The following DTX1 variants were observed in gnomAD, a reference collection of about 807,000 sequenced individuals.
DTX1 encodes E3 ubiquitin-protein ligase DTX1.
In DTX1, 26 loss-of-function variants were observed where a neutral mutation model predicts 57.8. The observed-to-expected ratio is 0.45, with a 90% CI of 0.33 to 0.62. The LOEUF (loss-of-function observed/expected upper bound fraction) is 0.62, where lower values mean the gene tolerates loss of function less well. Ranked by LOEUF, DTX1 falls within the 20% of genes least tolerant of loss-of-function variation. DTX1 has a pLI of 0.02. For missense variants in DTX1, 704 were observed against 895.3 expected, an observed-to-expected ratio of 0.79 and a Z score of 2.73; for synonymous variants, 398 against 394.1, an observed-to-expected ratio of 1.01 and a Z score of -0.12.
chr12:113,069,323 C>A (rs1184233260), intron 2 of DTX1, among the ~76,000 whole-genome samples: 1 of 152,086 alleles, frequency 6.6e-6, no homozygotes, highest in Non-Finnish European at 1.5e-5. Flanking sequence ...GAAAGCCCCC[C>A]ATACAGCCCA....
At position 113,077,818 on chromosome 12, in the gene DTX1, C is replaced by G; in HGVS notation, c.654C>G (p.Ile218Met). 1 of 1,443,458 alleles carries G rather than the reference C, an allele frequency of 6.9e-7. No individual in the cohort carries two copies. Among genetic ancestry groups the G allele is most frequent in the Non-Finnish European group, 9.0e-7 (1 of 1,107,996 alleles). 89.4% of individuals were successfully genotyped at this position (1,443,458 alleles called of 1,614,324 possible). ...GCACGCGCGCCGCCTCCAACGCCAT[C>G]CTGGCCTCGCAGCGCCGCAAGGCGC... ...VNSTRAASNA[I>M]LASQRRKAPP... Residue 218 changes from isoleucine to methionine, a missense_variant, in exon 3 of 10, where the codon ATC becomes ATG. Around this residue, in one of 3 missense-constraint regions of DTX1, gnomAD observed 237 missense variants for 328.6 expected, o/e 0.72. Transcript: ENST00000548759. The surrounding 1 kb of genome is among the most constrained non-coding windows in gnomAD (Gnocchi z 7.8).
At chr12:113,064,487 T>C (rs1460173106) in intron 2 of DTX1, among the ~76,000 whole-genome samples, 1 of 152,188 alleles carries the variant, frequency 6.6e-6, no homozygotes, top group African/African-American at 2.4e-5. Context: ...GTCTAATCTA[T>C]CCATTTCAGA....
intron 3 of DTX1, among the ~76,000 whole-genome samples, chr12:113,088,155 A>G (rs1385612576): frequency 1.3e-5 from 2 of 152,128 alleles, no homozygotes; most frequent in Non-Finnish European, 2.9e-5. Context: ...TGCACCACCA[A>G]CCAGCTGGGT....
intron 2 of DTX1, 138 bp downstream of exon 2, chr12:113,058,589 G>A (rs2044646944): frequency 7.0e-7 from 1 of 1,424,300 alleles, no homozygotes; most frequent in Non-Finnish European, 9.3e-7. Context: ...GAAAAACAGG[G>A]CAGTCTAACC....
At chr12:113,067,387 C>G (rs2136425996) in intron 2 of DTX1, among the ~76,000 whole-genome samples, 1 of 152,296 alleles carries the variant, frequency 6.6e-6, no homozygotes, top group Non-Finnish European at 1.5e-5. Flanking sequence ...GTGGAAATGA[C>G]AGTCAGGGAG....
rs375008930 is a variant in DTX1, at chr12:113,069,833, T to C, written c.260-7591T>C. The stretch of plus-strand genomic sequence containing the variant: ...GCACTGCGGAGCATTCGGTAAGGTG[T>C]TGGGTGCCGCTGTTGTCCTTGTTGT... On this transcript the variant is annotated intron_variant, in intron 2 of 9. Transcript: ENST00000548759. Among the ~76,000 whole-genome samples, 13 of 152,268 alleles carry C rather than the reference T, an allele frequency of 8.5e-5. No individual in the cohort carries two copies. The East Asian group carries it at 2.3e-3, about 27-fold the overall frequency.
Position 113,058,321 on chromosome 12 carries a change from C to G in DTX1, c.129C>G (p.Thr43=). 1.9e-6 allele frequency: 3 copies of G among 1,613,508 alleles called. No homozygotes were observed. The East Asian group carries it at 6.7e-5, about 36-fold the overall frequency. ...EHSRWRPYTA[T]VCHHIENVLK... is the part of the protein sequence containing the mutation. ...GCCGCTGGCGGCCCTACACGGCCAC[C>G]GTGTGCCACCACATTGAGAACGTGC... Residue 43 remains threonine (T), a synonymous_variant, in exon 2 of 10, where the codon ACC becomes ACG. Coordinates refer to ENST00000548759, the MANE Select transcript of DTX1 (RefSeq NM_004416.3).
chr12:113,059,853 C>A (rs1179680939), intron 2 of DTX1, among the ~76,000 whole-genome samples: 1 of 152,192 alleles, frequency 6.6e-6, no homozygotes, highest in African/African-American at 2.4e-5. Context: ...ATGTAAAATC[C>A]AGTTCTTCAG....
Position 113,093,840 on chromosome 12 carries a change from C to A in DTX1, c.1165+140C>A. The stretch of plus-strand genomic sequence containing the variant: ...CTGATCTCAGCTCCCCTTGCCCTGG[C>A]CCCATCTTTCACCAGCTCCTGTTAC... On this transcript the variant is annotated intron_variant, in intron 5 of 9. Coordinates refer to ENST00000548759, the MANE Select transcript of DTX1 (RefSeq NM_004416.3). This position sits in a 1 kb window ranked among gnomAD's most constrained non-coding sequence, Gnocchi z 4.2. 7.0e-7 allele frequency: 1 copy of A among 1,434,384 alleles called. No homozygotes were observed. The highest frequency in any genetic ancestry group is 9.5e-7 in the Non-Finnish European group (1 of 1,052,774). 88.9% of individuals were successfully genotyped at this position (1,434,384 alleles called of 1,614,324 possible).
intron 2 of DTX1, among the ~76,000 whole-genome samples, chr12:113,070,334 G>A (rs1241980489): frequency 1.3e-5 from 2 of 152,236 alleles, no homozygotes; most frequent in Non-Finnish European, 2.9e-5. Context: ...GCCTCAGCCT[G>A]TGGTGGGACT....
intron 3 of DTX1, among the ~76,000 whole-genome samples, chr12:113,083,943 C>T (rs868699120): frequency 6.6e-5 from 10 of 152,248 alleles, no homozygotes; most frequent in Non-Finnish European, 1.3e-4. Context: ...AAACCACCAC[C>T]TCTCACATGG....
rs757587824 is a variant in DTX1, at chr12:113,096,771, G to T, written c.1695G>T (p.Thr565=). The T allele has an allele frequency of 1.2e-5, 20 of 1,613,670 alleles. No individual in the cohort carries two copies. In the Admixed American group the frequency reaches 2.3e-4, roughly 19 times the overall value. The change falls in exon 10 of 10, where the codon ACG becomes ACT. Residue 565 remains threonine (T), a synonymous_variant. Transcript: ENST00000548759. The part of the protein sequence containing the change: ...WERRLIFTIG[T]SNTTGESDTV... ...GAAGACTCATCTTCACTATCGGCAC[G>T]TCCAACACCACGGGCGAGTCGGACA...
chr12:113,057,397 G>A (rs1041520963), intron 1 of DTX1, 52 bp from the exon 2 acceptor site: 1 of 152,470 alleles, frequency 6.6e-6, no homozygotes, highest in East Asian at 1.9e-4. Flanking sequence ...AGGGGGGAGG[G>A]GGTGCTGCGC....
chr12:113,073,277 G>A (rs984028090), intron 2 of DTX1, among the ~76,000 whole-genome samples: 3 of 152,132 alleles, frequency 2.0e-5, no homozygotes, highest in African/African-American at 7.2e-5. Context: ...CCTGAGAGGG[G>A]AAGACCAGCA....
Position 113,093,408 on chromosome 12 carries a change from G to A in DTX1, c.1004-131G>A. On this transcript the variant is annotated intron_variant, in intron 4 of 9. Transcript: ENST00000548759. This position sits in a 1 kb window ranked among gnomAD's most constrained non-coding sequence, Gnocchi z 4.2. ...GAAAGGCCCTTCAGGGGCCTTCAAG[G>A]GGCTGAGTGGGTGGGGCCCAAGAGC... 7.3e-7 allele frequency: 1 copy of A among 1,366,028 alleles called. No homozygotes were observed. Among genetic ancestry groups the A allele is most frequent in the Admixed American group, 2.9e-5 (1 of 35,006 alleles). The allele number at this position is 1,366,028 out of a possible 1,614,324, so 84.6% of individuals were successfully genotyped here. A position where few individuals can be genotyped will look rare whatever the true frequency, so the allele number is the denominator to read the frequency against.
chr12:113,079,279 C>T (rs1199807133), intron 3 of DTX1, among the ~76,000 whole-genome samples: 1 of 152,190 alleles, frequency 6.6e-6, no homozygotes, highest in Non-Finnish European at 1.5e-5. Flanking sequence ...CCAAAACCAA[C>T]TGTGCTTCAA....
In DTX1 at chr12:113,089,536, G is replaced by A. The variant is rs185448999; in HGVS notation, c.942-3626G>A. Among the ~76,000 whole-genome samples the A allele has an allele frequency of 6.6e-5, 10 of 152,002 alleles. No homozygotes were observed. The East Asian group carries it at 1.4e-3, about 21-fold the overall frequency. On this transcript the variant is annotated intron_variant, in intron 3 of 9. Coordinates refer to ENST00000548759, the MANE Select transcript of DTX1 (RefSeq NM_004416.3). ...TCCGGGAGGCCCGCAGGCAGCGGTC[G>A]CTTGTCCAGGCAGGAGGATGTTCTC...
intron 2 of DTX1, among the ~76,000 whole-genome samples, chr12:113,065,174 A>G (rs904419501): frequency 2.0e-5 from 3 of 152,110 alleles, no homozygotes; most frequent in African/African-American, 7.2e-5. Flanking sequence ...CTCATTAATC[A>G]CGGGCCCTTG....
Position 113,095,342 on chromosome 12 carries a change from C to T in DTX1, c.1566C>T (p.Asn522=), listed in dbSNP as rs766300565. The change falls in exon 9 of 10, where the codon AAC becomes AAT. Residue 522 remains asparagine, a synonymous_variant. Coordinates refer to ENST00000548759, the MANE Select transcript of DTX1 (RefSeq NM_004416.3). ...PTGIQGPEHP[N]PGKKFTARGF... ...CTCTGCAGGGCCCTGAGCACCCCAA[C>T]CCCGGGAAGAAGTTCACCGCAAGAG... 105 of 1,614,084 alleles carry T rather than the reference C, an allele frequency of 6.5e-5. No individual in the cohort carries two copies. Among genetic ancestry groups the T allele is most frequent in the Non-Finnish European group, 8.7e-5 (103 of 1,180,044 alleles).
Sources: gnomAD v4.1 joint callset for allele counts (sites outside exome capture counted in the v4.1 genomes callset) on GRCh38, gnomAD v4.1.1 for gene constraint, gnomAD v4.1.1 regional missense constraint, Gnocchi (gnomAD v3.1) non-coding constraint, MANE v1.5 for transcripts, NCBI Gene and HGNC (gene_info 2026-07-23, HGNC 2026-07-21) for gene names.